Variants in RTL4 observed in about 807,000 individuals in gnomAD.
RTL4 encodes the protein retrotransposon Gag-like protein 4.
A neutral mutation model predicts 5.3 loss-of-function variants in RTL4; 4 were observed. The ratio of observed to expected loss-of-function variants is 0.75; its 90% CI spans 0.37 to 1.72. The LOEUF (loss-of-function observed/expected upper bound fraction) is 1.72. Ranked by LOEUF, RTL4 falls within the 40% of genes most tolerant of loss-of-function variation. The pLI is 0.04. For missense variants in RTL4, 260 were observed against 227.1 expected (o/e 1.14, Z -0.93); for synonymous variants, 98 against 87.3 (o/e 1.12, Z -0.68).
chrX:112,279,629 A>C, the RTL4 span, among the ~76,000 whole-genome samples: 1 of 111,245 alleles, frequency 9.0e-6, no homozygotes, highest in South Asian at 3.8e-4. Context: ...TAATATATGA[A>C]ACAGGATCTG....
the RTL4 span, among the ~76,000 whole-genome samples, chrX:112,292,451 G>C: frequency 1.8e-5 from 2 of 111,814 alleles, no homozygotes; most frequent in Admixed American, 9.5e-5. Context: ...GACCTCTGAA[G>C]CCTCTTCCTC....
the RTL4 span, among the ~76,000 whole-genome samples, chrX:112,352,860 A>G: frequency 8.9e-6 from 1 of 112,090 alleles, no homozygotes; most frequent in African/African-American, 3.2e-5. Flanking sequence ...GAGCTTCTGC[A>G]CAGCAAAAGA....
chrX:112,131,642 C>T, the RTL4 span, among the ~76,000 whole-genome samples: 1 of 111,422 alleles, frequency 9.0e-6, no homozygotes, highest in Non-Finnish European at 1.9e-5. Context: ...TCTCAAGTTG[C>T]TTCATGTGTT....
At chrX:112,268,348 G>A in the RTL4 span, among the ~76,000 whole-genome samples, 2 of 112,025 alleles carry the variant, frequency 1.8e-5, no homozygotes, top group African/African-American at 6.5e-5. Context: ...ACCAAAACAC[G>A]AATGTATGAT....
the RTL4 span, among the ~76,000 whole-genome samples, chrX:112,215,125 T>G: frequency 9.0e-6 from 1 of 111,587 alleles, no homozygotes; most frequent in Non-Finnish European, 1.9e-5. Flanking sequence ...TTTATTTATT[T>G]TTATATTATT....
the RTL4 span, among the ~76,000 whole-genome samples, chrX:112,176,182 T>C: frequency 2.7e-5 from 3 of 111,706 alleles, no homozygotes; most frequent in East Asian, 8.4e-4. Context: ...GTGAAGGACC[T>C]CTTCAAGGAG....
the RTL4 span, among the ~76,000 whole-genome samples, chrX:112,210,551 A>G: frequency 2.4e-4 from 27 of 112,395 alleles, no homozygotes; most frequent in African/African-American, 8.1e-4. Context: ...TCATTATATC[A>G]TGCAAAATTC....
the RTL4 span, among the ~76,000 whole-genome samples, chrX:112,125,906 T>G: frequency 3.8e-3 from 422 of 112,209 alleles, 1 homozygote; most frequent in African/African-American, 0.013. Flanking sequence ...ACTTTTGTCC[T>G]TAAGAGATTT....
chrX:112,414,105 A>G, the RTL4 span, among the ~76,000 whole-genome samples: 1 of 111,707 alleles, frequency 9.0e-6, no homozygotes, highest in Middle Eastern at 4.6e-3. Flanking sequence ...TGTAACAGTT[A>G]TATGTAAGGT....
chrX:112,312,716 G>A, the RTL4 span, among the ~76,000 whole-genome samples: 2 of 110,968 alleles, frequency 1.8e-5, no homozygotes, highest in Admixed American at 1.9e-4. Flanking sequence ...ACATTCATAA[G>A]GAACAGAAAG....
chrX:112,164,640 C>G, the RTL4 span, among the ~76,000 whole-genome samples: 3 of 111,932 alleles, frequency 2.7e-5, no homozygotes, highest in African/African-American at 9.7e-5. Flanking sequence ...GTCTTTCTCA[C>G]TTCCTTATTC....
the RTL4 span, among the ~76,000 whole-genome samples, chrX:112,315,999 G>A: frequency 8.9e-6 from 1 of 112,064 alleles, no homozygotes; most frequent in East Asian, 2.8e-4. Flanking sequence ...TTCTTCATGA[G>A]ACGGAGTTAT....
chrX:112,340,270 GTCC>G, the RTL4 span, among the ~76,000 whole-genome samples: 2 of 111,187 alleles, frequency 1.8e-5, no homozygotes, highest in Admixed American at 1.9e-4. Flanking sequence ...CATGAACACA[GTCC>G]TAGCCTTCAG....
chrX:112,242,049 G>T, the RTL4 span, among the ~76,000 whole-genome samples: 2 of 110,175 alleles, frequency 1.8e-5, no homozygotes, highest in Non-Finnish European at 3.8e-5. Context: ...TGTTCCATTG[G>T]TCTATATCTC....
the RTL4 span, among the ~76,000 whole-genome samples, chrX:112,348,264 C>G: frequency 9.1e-6 from 1 of 109,900 alleles, no homozygotes; most frequent in African/African-American, 3.3e-5. Context: ...TAGGTTGACT[C>G]TCAACCAATT....
chrX:112,099,963 G>T, the RTL4 span, among the ~76,000 whole-genome samples: 24 of 111,956 alleles, frequency 2.1e-4, no homozygotes, highest in South Asian at 8.2e-3. Flanking sequence ...ATGACATCAA[G>T]CATGGCTGTG....
the RTL4 span, among the ~76,000 whole-genome samples, chrX:112,331,303 A>T: frequency 9.3e-6 from 1 of 107,509 alleles, no homozygotes; most frequent in Non-Finnish European, 1.9e-5. Context: ...ACTCCAACAA[A>T]TTTACAAGAA....
the RTL4 span, among the ~76,000 whole-genome samples, chrX:112,187,145 G>T: frequency 8.9e-6 from 1 of 111,973 alleles, no homozygotes; most frequent in Non-Finnish European, 1.9e-5. Context: ...AATGATAAAG[G>T]CTCTGCTGAT....
At chrX:112,345,587 C>A in the RTL4 span, among the ~76,000 whole-genome samples, 1 of 111,515 alleles carries the variant, frequency 9.0e-6, no homozygotes. Context: ...GATCCCTGAC[C>A]TATACCTCTC....
Sources: allele counts gnomAD v4.1 joint callset (sites outside exome capture counted in the v4.1 genomes callset), GRCh38; gene constraint gnomAD v4.1.1; transcripts MANE v1.5; gene names NCBI Gene and HGNC (gene_info 2026-07-23, HGNC 2026-07-21).